The following SETX variants were observed in gnomAD, a reference collection of about 807,000 sequenced individuals.
The protein encoded by SETX is senataxin, also known as helicase senataxin.
Under a neutral mutation model 227.2 loss-of-function variants are expected in SETX, and 90 were observed. The observed-to-expected ratio is 0.40, with a 90% CI of 0.33 to 0.47. SETX has a LOEUF of 0.47. Ranked by LOEUF, SETX falls within the 20% of genes least tolerant of loss-of-function variation. The probability of loss-of-function intolerance (pLI) is 0.91; values close to 1 mark genes in which losing one functional copy is unlikely to be tolerated. For missense variants in SETX, 3,052 were observed against 3,181.5 expected, an observed-to-expected ratio of 0.96 and a Z score of 0.98; for synonymous variants, 1,210 against 1,113.2, an observed-to-expected ratio of 1.09 and a Z score of -1.73.
rs1843512369 is a variant in SETX at position 132,281,580 on chromosome 9, T to G, written c.6547-6A>C. 6.3e-7 allele frequency: 1 copy of G among 1,593,142 alleles called. No individual in the cohort carries two copies. The highest frequency in any genetic ancestry group is 8.6e-7 in the Non-Finnish European group (1 of 1,161,022). On this transcript the variant is annotated splice_region_variant and splice_polypyrimidine_tract_variant and intron_variant, in intron 19 of 25. Coordinates refer to ENST00000224140, the MANE Select transcript of SETX (RefSeq NM_015046.7). ...ATTTCACAAGACTGTCCAGCCTTGG[T>G]AAGATACAGAAGAGAGAGGCAGTCT...
intron 19 of SETX, among the ~76,000 whole-genome samples, chr9:132,282,018 C>G (rs1004467122): frequency 4.0e-5 from 3 of 74,864 alleles, no homozygotes; most frequent in African/African-American, 2.1e-4. Context: ...GACTCCGTCT[C>G]TAAAAAAAAA....
intron 15 of SETX, among the ~76,000 whole-genome samples, chr9:132,291,232 T>C (rs7028942): frequency 0.082 from 11,282 of 137,200 alleles, 633 homozygotes; most frequent in East Asian, 0.2. Context: ...AATGGCGCAA[T>C]CTCGGCTCTC....
At chr9:132,295,002 G>A (rs955294341) in intron 15 of SETX, among the ~76,000 whole-genome samples, 3 of 152,154 alleles carry the variant, frequency 2.0e-5, no homozygotes, top group Non-Finnish European at 2.9e-5. Flanking sequence ...GTATCCTTAA[G>A]GAAAACTAAA....
chr9:132,354,718 C>G (rs543749897), intron 1 of SETX, among the ~76,000 whole-genome samples, 199 bp downstream of exon 1: 1 of 152,168 alleles, frequency 6.6e-6, no homozygotes, highest in South Asian at 2.1e-4. Flanking sequence ...CGCAGGAAGG[C>G]AACAGGCGGC....
intron 15 of SETX, 133 bp from the exon 16 acceptor site, chr9:132,288,784 C>G: frequency 2.9e-6 from 2 of 693,552 alleles, no homozygotes; most frequent in Non-Finnish European, 5.1e-6. Context: ...TTCCAATTAA[C>G]CAGACACCAG....
At chr9:132,333,495 A>C (rs1387356237) in intron 7 of SETX, among the ~76,000 whole-genome samples, 1 of 151,044 alleles carries the variant, frequency 6.6e-6, no homozygotes, top group African/African-American at 2.4e-5. Flanking sequence ...ATATATTTAT[A>C]TTAGAATCTC....
rs746541015 is a variant in SETX at position 132,329,972 on chromosome 9, G to C, written c.1626C>G (p.Leu542=). 6.2e-7 allele frequency: 1 copy of C among 1,614,150 alleles called. No homozygotes were observed. The highest frequency in any genetic ancestry group is 2.2e-5 in the East Asian group (1 of 44,888). The change falls in exon 10 of 26, where the codon CTC becomes CTG. Residue 542 remains leucine (L), a synonymous_variant. Coordinates refer to ENST00000224140, the MANE Select transcript of SETX (RefSeq NM_015046.7). The part of the protein sequence containing the change: ...QLAYVQLIRS[L]LKEGYQLGQQ... ...GCCCAAGCTGATAACCTTCTTTAAGGAGACTTCTAATCAGCTGCACATAAG... is the reference window on the plus strand; with the variant it reads ...GCCCAAGCTGATAACCTTCTTTAAGCAGACTTCTAATCAGCTGCACATAAG...
intron 10 of SETX, among the ~76,000 whole-genome samples, chr9:132,315,311 A>G (rs774500181): frequency 4.1e-4 from 63 of 152,188 alleles, no homozygotes; most frequent in Non-Finnish European, 4.6e-4. Context: ...CTTGACTTAC[A>G]TAAGACAGCC....
chr9:132,297,521 CAAGCTAGGCCACT>C (rs1844742290), intron 13 of SETX, among the ~76,000 whole-genome samples: 1 of 152,192 alleles, frequency 6.6e-6, no homozygotes, highest in Admixed American at 6.5e-5. Context: ...CTTGCACTTA[CAAGCTAGGCCACT>C]ACGCTCCTAA....
chr9:132,328,532 A>G lies in SETX; in HGVS notation c.3066T>C (p.Asp1022=). ...QVIIISDSDD[D]DDERILSLEK... is the part of the protein sequence containing the mutation. ...CAAGACTCAGGATTCTTTCATCATC[A>G]TCATCATCAGAATCTGAAATAATAA... The change falls in exon 10 of 26, where the codon GAT becomes GAC. Residue 1022 remains aspartate, a synonymous_variant. Coordinates refer to ENST00000224140, the MANE Select transcript of SETX (RefSeq NM_015046.7). 1.2e-6 allele frequency: 2 copies of G among 1,614,010 alleles called. No homozygotes were observed. Among genetic ancestry groups the G allele is most frequent in the East Asian group, 2.2e-5 (1 of 44,882 alleles).
At chr9:132,275,121 G>A in intron 23 of SETX, 135 bp downstream of exon 23, 3 of 903,912 alleles carry the variant, frequency 3.3e-6, no homozygotes, top group East Asian at 2.5e-5. Flanking sequence ...AAAGCCAGCA[G>A]CATCCCAGCT....
chr9:132,354,725 C>T (rs1184304873), intron 1 of SETX, among the ~76,000 whole-genome samples, 192 bp downstream of exon 1: 1 of 152,050 alleles, frequency 6.6e-6, no homozygotes, highest in African/African-American at 2.4e-5. Context: ...AGGCAACAGG[C>T]GGCCGCCAGC....
At chr9:132,335,323 G>A (rs749438064) in intron 6 of SETX, among the ~76,000 whole-genome samples, 7 of 148,650 alleles carry the variant, frequency 4.7e-5, no homozygotes, top group East Asian at 4.0e-4. Flanking sequence ...CCCAGGAGGC[G>A]GATCTTGCAG....
chr9:132,328,608 C>T lies in SETX; in HGVS notation c.2990G>A (p.Cys997Tyr), dbSNP rs779787739. The T allele has an allele frequency of 1.2e-6, 2 of 1,613,600 alleles. No homozygotes were observed. Among genetic ancestry groups the T allele is most frequent in the Non-Finnish European group, 1.7e-6 (2 of 1,179,842 alleles). The change falls in exon 10 of 26, where the codon TGT (cysteine) becomes TAT (tyrosine). Residue 997 changes from cysteine to tyrosine, a missense_variant. Physicochemically the swap from Cys to Tyr is radical, Grantham distance 194. This residue lies in a region of SETX where 1,483 missense variants were observed against 1,312.0 expected (regional missense o/e 1.13). Coordinates refer to ENST00000224140, the MANE Select transcript of SETX (RefSeq NM_015046.7). ...LQRKVKEDKRCFTANQNNVGD... is the reference protein window; with the variant it reads ...LQRKVKEDKRYFTANQNNVGD... Reference sequence around the variant, plus strand: ...AACATTATTTTGGTTAGCTGTGAAACATCTTTTATCTTCTTTTACTTTCCT... The same window carrying T: ...AACATTATTTTGGTTAGCTGTGAAATATCTTTTATCTTCTTTTACTTTCCT...
At chr9:132,286,847 C>A (rs2131237402) in intron 17 of SETX, among the ~76,000 whole-genome samples, 1 of 152,350 alleles carries the variant, frequency 6.6e-6, no homozygotes. Context: ...ATGCACCCAT[C>A]TTCTTAAAAA....
At chr9:132,278,437 CTTTTTT>C (rs67558000) in intron 20 of SETX, among the ~76,000 whole-genome samples, 180 bp from the exon 21 acceptor site, 30 of 84,846 alleles carry the variant, frequency 3.5e-4, no homozygotes, top group Admixed American at 6.6e-4. Flanking sequence ...TGCCATGAAT[CTTTTTT>C]TTTTTTTTTT....
intron 3 of SETX, among the ~76,000 whole-genome samples, chr9:132,349,026 C>T (rs537005438): frequency 4.0e-5 from 6 of 151,570 alleles, no homozygotes; most frequent in Admixed American, 2.0e-4. Flanking sequence ...AGAATATACT[C>T]GAATGTGTAA....
intron 15 of SETX, among the ~76,000 whole-genome samples, chr9:132,292,415 C>CAA (rs60253119): frequency 0.018 from 1,103 of 60,922 alleles, 66 homozygotes; most frequent in African/African-American, 0.045. Flanking sequence ...AGCTGGGGTA[C>CAA]AAAAAAAAAA....
chr9:132,356,164 A>C (rs979652836), upstream of SETX, among the ~76,000 whole-genome samples: 1 of 151,944 alleles, frequency 6.6e-6, no homozygotes, highest in Non-Finnish European at 1.5e-5. Flanking sequence ...AAGTCTATAA[A>C]TAAATAAAAA....
Sources: allele counts gnomAD v4.1 joint callset (sites outside exome capture counted in the v4.1 genomes callset), GRCh38; gene constraint gnomAD v4.1.1; regional missense constraint gnomAD v4.1.1; transcripts MANE v1.5; gene names NCBI Gene and HGNC (gene_info 2026-07-23, HGNC 2026-07-21).